The following MMP17 variants were observed in gnomAD, a reference collection of about 807,000 sequenced individuals.
The protein encoded by MMP17 is matrix metalloproteinase-17.
A neutral mutation model predicts 49.1 loss-of-function variants in MMP17; 54 were observed. The observed-to-expected ratio is 1.10, with a 90% CI of 0.88 to 1.38. MMP17 has a LOEUF of 1.38. MMP17 is among the 40% of genes most tolerant of loss of function. The pLI is 0.00. For synonymous variants in MMP17, 397 were observed against 383.1 expected, an observed-to-expected ratio of 1.04 and a Z score of -0.42; for missense variants, 837 against 853.7, an observed-to-expected ratio of 0.98 and a Z score of 0.24.
At position 131,840,754 on chromosome 12, in the gene MMP17, G is replaced by C; in HGVS notation, c.604G>C (p.Gly202Arg). The change falls in exon 4 of 10, where the codon GGC becomes CGC. Residue 202 changes from glycine to arginine, a missense_variant. Physicochemically the swap from Gly to Arg is moderately radical, Grantham distance 125. Coordinates refer to ENST00000360564, the MANE Select transcript of MMP17 (RefSeq NM_016155.7). ...CCATAACGACGGCTACCCCTTCGAC[G>C]GCCCCGGCGGCACCGTGGCCCACGC... is the stretch of plus-strand genomic sequence containing the variant. ...ADHNDGYPFD[G>R]PGGTVAHAFF... is the part of the protein sequence containing the mutation. 19 of 1,604,324 alleles carry C rather than the reference G, an allele frequency of 1.2e-5. No homozygotes were observed. Among genetic ancestry groups the C allele is most frequent in the Non-Finnish European group, 1.6e-5 (19 of 1,179,884 alleles).
At chr12:131,848,043 G>A (rs1269397748) in intron 8 of MMP17, among the ~76,000 whole-genome samples, 1 of 152,054 alleles carries the variant, frequency 6.6e-6, no homozygotes, top group Admixed American at 6.6e-5. Context: ...CTCCAGCAAA[G>A]GACTTTTTCT....
rs1170843935 is a variant in MMP17, at chr12:131,849,932, C to A, written c.1335C>A (p.Phe445Leu). Reference sequence around the variant, plus strand: ...GGGCCCACAATGACAGGACTTATTTCTTTAAGGACCAGCTGTACTGGCGCT... The same window carrying A: ...GGGCCCACAATGACAGGACTTATTTATTTAAGGACCAGCTGTACTGGCGCT... ...FSWAHNDRTY[F>L]FKDQLYWRYD... The change falls in exon 9 of 10, where the codon TTC becomes TTA. Residue 445 changes from phenylalanine to leucine, a missense_variant. Phe to Leu is a conservative substitution (Grantham distance 22). Coordinates refer to ENST00000360564, the MANE Select transcript of MMP17 (RefSeq NM_016155.7). The A allele has an allele frequency of 1.2e-6, 2 of 1,613,952 alleles. No homozygotes were observed. The highest frequency in any genetic ancestry group is 1.7e-6 in the Non-Finnish European group (2 of 1,180,024).
intron 8 of MMP17, among the ~76,000 whole-genome samples, chr12:131,847,108 C>CT (rs1389774024): frequency 9.3e-6 from 1 of 107,604 alleles, no homozygotes; most frequent in African/African-American, 3.0e-5. Context: ...AAGACCTTGT[C>CT]TAAAAAAAAA....
intron 1 of MMP17, among the ~76,000 whole-genome samples, chr12:131,832,613 C>G (rs1280238934): frequency 6.7e-6 from 1 of 150,028 alleles, no homozygotes; most frequent in Non-Finnish European, 1.5e-5. Flanking sequence ...TGGGCACCCG[C>G]CTCTGGGATT....
intron 1 of MMP17, among the ~76,000 whole-genome samples, chr12:131,836,008 TCAAGGCCAAGGCTGTCACCCC>T (rs1054808975): frequency 6.6e-5 from 10 of 152,146 alleles, no homozygotes; most frequent in Non-Finnish European, 1.2e-4. Flanking sequence ...GGCCAGCTTG[TCAAGGCCAAGGCTGTCACCCC>T]CAAGGCCCCT....
At position 131,840,728 on chromosome 12, in the gene MMP17, A is replaced by C. The variant is rs1346710804; in HGVS notation, c.578A>C (p.Asp193Ala). 15 of 1,604,404 alleles carry C rather than the reference A, an allele frequency of 9.3e-6. No homozygotes were observed. The highest frequency in any genetic ancestry group is 1.3e-5 in the Non-Finnish European group (15 of 1,179,910). Residue 193 changes from aspartate to alanine, a missense_variant, in exon 4 of 10, where the codon GAC becomes GCC. Coordinates refer to ENST00000360564, the MANE Select transcript of MMP17 (RefSeq NM_016155.7). ...ATCCAGATCGACTTCTCCAAGGCCG[A>C]CCATAACGACGGCTACCCCTTCGAC... ...ADIQIDFSKA[D>A]HNDGYPFDGP...
chr12:131,845,875 A>G lies in MMP17; in HGVS notation c.1204+426A>G, dbSNP rs535191702. On this transcript the variant is annotated intron_variant, in intron 8 of 9. Transcript: ENST00000360564. ...GCAGGAGCAGCCCTGCCGAGTCCCA[A>G]AAACATCAAAGGGGCTGCAGCTGGA... Among the ~76,000 whole-genome samples the G allele has an allele frequency of 8.5e-5, 13 of 152,240 alleles. 1 individual carries two copies. The East Asian group carries it at 2.3e-3, about 27-fold the overall frequency.
At chr12:131,829,313 A>C (rs1270934333) in intron 1 of MMP17, among the ~76,000 whole-genome samples, 3 of 152,202 alleles carry the variant, frequency 2.0e-5, no homozygotes, top group Non-Finnish European at 4.4e-5. Flanking sequence ...CTCCACACCC[A>C]GTAGCTGTCC....
At chr12:131,844,148 A>G in intron 6 of MMP17, 67 bp downstream of exon 6, 1 of 1,348,486 alleles carries the variant, frequency 7.4e-7, no homozygotes. Flanking sequence ...CCCACGCAAC[A>G]TTTGCCCCAA....
rs779918560 is a variant in MMP17 at position 131,840,727 on chromosome 12, G to A, written c.577G>A (p.Asp193Asn). ...ADIQIDFSKADHNDGYPFDGP... is the reference protein window; with the variant it reads ...ADIQIDFSKANHNDGYPFDGP... ...CATCCAGATCGACTTCTCCAAGGCC[G>A]ACCATAACGACGGCTACCCCTTCGA... Residue 193 changes from aspartate to asparagine, a missense_variant, in exon 4 of 10, where the codon GAC becomes AAC. Physicochemically the swap from Asp to Asn is conservative, Grantham distance 23. Coordinates refer to ENST00000360564, the MANE Select transcript of MMP17 (RefSeq NM_016155.7). 5.6e-6 allele frequency: 9 copies of A among 1,604,326 alleles called. No homozygotes were observed. The highest frequency in any genetic ancestry group is 4.0e-5 in the African/African-American group (3 of 74,944).
rs34505286 is a variant in MMP17, at chr12:131,847,109, TA to T, written c.1204+1675del. ...CTGGGCGACAGAGCAAGACCTTGTC[TA>T]AAAAAAAAAAAAAACCAAAATGTCA... On this transcript the variant is annotated intron_variant, in intron 8 of 9. Transcript: ENST00000360564. Among the ~76,000 whole-genome samples the T allele has an allele frequency of 1.6e-3, 216 of 136,600 alleles. 2 individuals are homozygous for T. Among genetic ancestry groups the T allele is most frequent in the African/African-American group, 2.8e-3 (101 of 35,626 alleles). 89.6% of individuals were successfully genotyped at this position (136,600 alleles called of 152,430 possible).
chr12:131,840,988 C>A (rs1887378479), intron 4 of MMP17, 132 bp downstream of exon 4: 4 of 1,155,318 alleles, frequency 3.5e-6, no homozygotes, highest in Admixed American at 2.9e-5. Context: ...CACGGCTGGG[C>A]ATTTCCCACT....
intron 1 of MMP17, among the ~76,000 whole-genome samples, chr12:131,829,899 G>C (rs1230544872): frequency 6.6e-6 from 1 of 152,212 alleles, no homozygotes; most frequent in Non-Finnish European, 1.5e-5. Flanking sequence ...GGTGCCTGCA[G>C]GTCCCCACAG....
chr12:131,845,341 C>G lies in MMP17; in HGVS notation c.1096C>G (p.Leu366Val). 1 of 1,603,992 alleles carries G rather than the reference C, an allele frequency of 6.2e-7. No individual in the cohort carries two copies. Among genetic ancestry groups the G allele is most frequent in the East Asian group, 2.2e-5 (1 of 44,684 alleles). The change falls in exon 8 of 10, where the codon CTG (leucine) becomes GTG (valine). Residue 366 changes from leucine to valine, a missense_variant. Leu to Val is a conservative substitution (Grantham distance 32). Coordinates refer to ENST00000360564, the MANE Select transcript of MMP17 (RefSeq NM_016155.7). ...GACGCGGGACCGGCACCTGGTGTCC[C>G]TGCAGCCGGCACAGATGCACCGCTT... is the stretch of plus-strand genomic sequence containing the variant. Reference protein sequence around the residue: ...RLTRDRHLVSLQPAQMHRFWR... With the variant: ...RLTRDRHLVSVQPAQMHRFWR...
At chr12:131,830,077 C>T (rs1267184595) in intron 1 of MMP17, among the ~76,000 whole-genome samples, 1 of 152,172 alleles carries the variant, frequency 6.6e-6, no homozygotes, top group Non-Finnish European at 1.5e-5. Context: ...CTTCCAGGTC[C>T]GAGGGTGCCG....
chr12:131,841,673 C>A lies in MMP17; in HGVS notation c.756C>A (p.His252Gln). Reference protein sequence around the residue: ...LFAVAVHEFGHAIGLSHVAAA... With the variant: ...LFAVAVHEFGQAIGLSHVAAA... ...CAGTGGCTGTCCACGAGTTTGGCCACGCCATTGGGTTAAGCCATGTGGCCG... is the reference window on the plus strand; with the variant it reads ...CAGTGGCTGTCCACGAGTTTGGCCAAGCCATTGGGTTAAGCCATGTGGCCG... Residue 252 changes from histidine to glutamine, a missense_variant, in exon 5 of 10, where the codon CAC becomes CAA. Transcript: ENST00000360564. The A allele has an allele frequency of 7.4e-6, 12 of 1,614,094 alleles. No homozygotes were observed. The highest frequency in any genetic ancestry group is 1.0e-5 in the Non-Finnish European group (12 of 1,180,006).
chr12:131,828,731 G>C (rs1886642102), intron 1 of MMP17, 78 bp downstream of exon 1: 1 of 178,234 alleles, frequency 5.6e-6, no homozygotes, highest in Admixed American at 6.3e-5. Context: ...GCGGGGACCG[G>C]GAAGACCCCA....
intron 1 of MMP17, among the ~76,000 whole-genome samples, chr12:131,837,334 GAC>G (rs903117758): frequency 1.1e-4 from 16 of 152,322 alleles, no homozygotes; most frequent in African/African-American, 3.8e-4. Context: ...CTCTGTTGCA[GAC>G]ACAGTCTGCA....
chr12:131,843,082 G>C (rs1345172652), intron 5 of MMP17, among the ~76,000 whole-genome samples: 2 of 151,924 alleles, frequency 1.3e-5, no homozygotes, highest in East Asian at 3.9e-4. Context: ...TGCGACCTCA[G>C]CCTTCCGAGT....
Sources: allele counts gnomAD v4.1 joint callset (sites outside exome capture counted in the v4.1 genomes callset), GRCh38; gene constraint gnomAD v4.1.1; transcripts MANE v1.5; gene names NCBI Gene and HGNC (gene_info 2026-07-23, HGNC 2026-07-21).